CCL24: variants seen among roughly 807,000 people sequenced by gnomAD.
CCL24 encodes the protein C-C motif chemokine 24.
CCL24 carries 6 observed loss-of-function variants against 8.6 expected under a neutral mutation model. The ratio of observed to expected loss-of-function variants is 0.70; its 90% CI spans 0.38 to 1.38. The LOEUF (loss-of-function observed/expected upper bound fraction) is 1.38, where lower values mean the gene tolerates loss of function less well. CCL24 is among the 40% of genes most tolerant of loss of function. The probability of loss-of-function intolerance (pLI) is 0.02; values close to 1 mark genes in which losing one functional copy is unlikely to be tolerated. For synonymous variants in CCL24, 59 were observed against 52.7 expected (o/e 1.12, Z -0.52); for missense variants, 126 against 147.1 (o/e 0.86, Z 0.74).
upstream of CCL24, among the ~76,000 whole-genome samples, chr7:75,818,242 T>TC (rs1396226423): frequency 6.6e-6 from 1 of 151,990 alleles, no homozygotes; most frequent in Non-Finnish European, 1.5e-5. Context: ...GCAGACACCA[T>TC]CACAGGGCCA....
chr7:75,815,469 C>A (rs1269369067), upstream of CCL24, among the ~76,000 whole-genome samples: 1 of 151,828 alleles, frequency 6.6e-6, no homozygotes, highest in Admixed American at 6.6e-5. Flanking sequence ...TAGCAAAACC[C>A]CGTCTTTAAA....
rs11465289 is a variant in CCL24 at position 75,813,615 on chromosome 7, T to C, written c.73+28A>G. On this transcript the variant is annotated intron_variant, in intron 1 of 2. Transcript: ENST00000222902. ...CACTGTGCCATCCCAGCCATGCCCT[T>C]GGAACTGCATCCTGTCGGAGGTCTT... is the stretch of plus-strand genomic sequence containing the variant. 82 of 1,593,680 alleles carry C rather than the reference T, an allele frequency of 5.1e-5. 2 individuals are homozygous for C. The Middle Eastern group carries it at 8.3e-4, about 16-fold the overall frequency.
At chr7:75,816,674 G>A (rs1397608477), upstream of CCL24, among the ~76,000 whole-genome samples, 5 of 151,462 alleles carry the variant, frequency 3.3e-5, no homozygotes, top group Middle Eastern at 3.5e-3. Flanking sequence ...CGATTCTCCC[G>A]CCTCAGCCTC....
chr7:75,820,127 T>TC (rs1804009926), intron 1 of CCL24, among the ~76,000 whole-genome samples: 2 of 83,646 alleles, frequency 2.4e-5, no homozygotes, highest in Admixed American at 1.6e-4. Context: ...TTCTTCTTCT[T>TC]CTTCTCCTCC....
At chr7:75,815,974 T>G (rs1194025004), upstream of CCL24, among the ~76,000 whole-genome samples, 2 of 152,174 alleles carry the variant, frequency 1.3e-5, no homozygotes, top group Admixed American at 6.5e-5. Flanking sequence ...TCCATTTGCC[T>G]TCTCCAACCT....
upstream of CCL24, among the ~76,000 whole-genome samples, chr7:75,816,864 A>G: frequency 1.1e-5 from 1 of 89,282 alleles, no homozygotes; most frequent in Admixed American, 1.3e-4. Context: ...ACCTGGCCAA[A>G]AAAAAAAAAA....
At chr7:75,815,703 C>T (rs145910268), upstream of CCL24, among the ~76,000 whole-genome samples, 1 of 152,082 alleles carries the variant, frequency 6.6e-6, no homozygotes, top group South Asian at 2.1e-4. Context: ...ACTCCACCCC[C>T]GATTCCAGGA....
intron 1 of CCL24, among the ~76,000 whole-genome samples, chr7:75,820,106 C>CTTCTTCTTCTTCTTCTTCTTCTTCTTCTT (rs1554534861): frequency 2.5e-4 from 18 of 72,088 alleles, no homozygotes; most frequent in East Asian, 2.8e-3. Flanking sequence ...TCTTCTTCTT[C>CTTCTTCTTCTTCTTCTTCTTCTTCTTCTT]CTTCTTCTTC....
chr7:75,820,940 C>T (rs62477648), intron 1 of CCL24, among the ~76,000 whole-genome samples: 1 of 151,864 alleles, frequency 6.6e-6, no homozygotes, highest in Non-Finnish European at 1.5e-5. Flanking sequence ...TCCATCCATC[C>T]ATCCATCCAT....
rs76364545 is a variant in CCL24 at position 75,811,434 on chromosome 7, G to T, written c.*362C>A. ...GCGGAGGTTGCAGTGAACCGAGATT[G>T]TGCCACTGCACTCCAGCCTGGGTGA... On this transcript the variant is annotated 3_prime_UTR_variant, in exon 3 of 3. Transcript: ENST00000222902. Among the ~76,000 whole-genome samples, 6,839 of 151,512 alleles carry T rather than the reference G, an allele frequency of 0.045. 177 individuals are homozygous for T. Among genetic ancestry groups the T allele is most frequent in the East Asian group, 0.055 (283 of 5,114 alleles).
chr7:75,813,967 GAACGA>G (rs1803833252), upstream of CCL24, among the ~76,000 whole-genome samples: 1 of 152,084 alleles, frequency 6.6e-6, no homozygotes, highest in East Asian at 1.9e-4. Context: ...CTTGGGCTCC[GAACGA>G]AAGAACTGGG....
chr7:75,813,774 C>A lies in CCL24; in HGVS notation c.-59G>T. On this transcript the variant is annotated 5_prime_UTR_variant, in exon 1 of 3. Coordinates refer to ENST00000222902, the MANE Select transcript of CCL24 (RefSeq NM_002991.3). ...AAAGCTGACGTGCAGGAGGAAAGGACCTAGGGATAAATAGCTCGGGTCCTT... is the reference window on the plus strand; with the variant it reads ...AAAGCTGACGTGCAGGAGGAAAGGAACTAGGGATAAATAGCTCGGGTCCTT... The A allele has an allele frequency of 7.1e-7, 1 of 1,411,770 alleles. No homozygotes were observed. The highest frequency in any genetic ancestry group is 2.3e-5 in the East Asian group (1 of 43,876). The allele number at this position is 1,411,770 out of a possible 1,614,324, so 87.5% of individuals were successfully genotyped here. A position where few individuals can be genotyped will look rare whatever the true frequency, so the allele number is the denominator to read the frequency against.
chr7:75,820,773 A>C (rs1447756501), intron 1 of CCL24, among the ~76,000 whole-genome samples: 1 of 148,334 alleles, frequency 6.7e-6, no homozygotes, highest in Non-Finnish European at 1.5e-5. Context: ...CCATCCATCC[A>C]TTCACCCACC....
At chr7:75,820,802 T>A (rs572164423) in intron 1 of CCL24, among the ~76,000 whole-genome samples, 2 of 147,692 alleles carry the variant, frequency 1.4e-5, no homozygotes, top group African/African-American at 5.0e-5. Flanking sequence ...CATCTATCCA[T>A]CCATCCATTC....
At chr7:75,813,467 C>G in intron 1 of CCL24, 44 bp from the exon 2 acceptor site, 1 of 1,458,492 alleles carries the variant, frequency 6.9e-7, no homozygotes, top group Middle Eastern at 1.9e-4. Context: ...TCCCAGCCTC[C>G]CCTTGGCTCT....
chr7:75,818,074 G>T (rs782504076), upstream of CCL24, among the ~76,000 whole-genome samples: 36 of 141,512 alleles, frequency 2.5e-4, no homozygotes, highest in Admixed American at 1.3e-3. Flanking sequence ...CAAGTGATTC[G>T]CCCACCTCGG....
chr7:75,818,446 C>CAAA (rs782549486), upstream of CCL24, among the ~76,000 whole-genome samples: 1 of 70,098 alleles, frequency 1.4e-5, no homozygotes, highest in African/African-American at 5.2e-5. Flanking sequence ...GACTCCGTCT[C>CAAA]AAAAAAAAAA....
upstream of CCL24, among the ~76,000 whole-genome samples, chr7:75,815,506 C>G (rs1375934008): frequency 6.6e-6 from 1 of 151,956 alleles, no homozygotes; most frequent in Non-Finnish European, 1.5e-5. Flanking sequence ...AACAAAAAAA[C>G]CACGGGAAAA....
At chr7:75,813,153 A>C (rs1803810861) in intron 2 of CCL24, among the ~76,000 whole-genome samples, 153 bp downstream of exon 2, 1 of 152,116 alleles carries the variant, frequency 6.6e-6, no homozygotes. Context: ...TCCTCCTCCT[A>C]GTTTTATGGG....
Sources: allele counts gnomAD v4.1 joint callset (sites outside exome capture counted in the v4.1 genomes callset), GRCh38; gene constraint gnomAD v4.1.1; transcripts MANE v1.5; gene names NCBI Gene and HGNC (gene_info 2026-07-23, HGNC 2026-07-21).